DNAJB6: variants seen among roughly 807,000 people sequenced by gnomAD.
DNAJB6 encodes the protein dnaJ homolog subfamily B member 6.
In DNAJB6, 16 loss-of-function variants were observed where a neutral mutation model predicts 42.7. That is an observed-to-expected ratio of 0.37 (90% CI 0.25 to 0.57). The LOEUF is 0.57. Among genes scored for constraint, DNAJB6 ranks in the 20% least tolerant of loss-of-function variants. The pLI, the probability that DNAJB6 is intolerant of heterozygous loss-of-function variation, is 0.74. For missense variants in DNAJB6, 347 were observed against 416.8 expected (o/e 0.83, Z 1.46); for synonymous variants, 170 against 163.5 (o/e 1.04, Z -0.30).
chr7:157,338,121 T>C (rs911953153), intron 1 of DNAJB6, among the ~76,000 whole-genome samples: 11 of 152,202 alleles, frequency 7.2e-5, no homozygotes, highest in African/African-American at 2.2e-4. Context: ...AGCCAAATTA[T>C]TGATTTAGTA....
intron 8 of DNAJB6, among the ~76,000 whole-genome samples, chr7:157,401,719 T>G (rs1795525169): frequency 6.6e-6 from 1 of 152,120 alleles, no homozygotes; most frequent in Non-Finnish European, 1.5e-5. Flanking sequence ...AGCTGTGACG[T>G]GAAGCATTAC....
intron 6 of DNAJB6, among the ~76,000 whole-genome samples, 200 bp from the exon 7 acceptor site, chr7:157,384,667 C>T (rs1800962291): frequency 6.6e-6 from 1 of 152,138 alleles, no homozygotes; most frequent in Non-Finnish European, 1.5e-5. Flanking sequence ...CCCTAGAGTC[C>T]CCACTCAGGG....
rs753180096 is a variant in DNAJB6, at chr7:157,416,256, G to T, written c.*158G>T. 1 of 1,228,562 alleles carries T rather than the reference G, an allele frequency of 8.1e-7. No individual in the cohort carries two copies. The highest frequency in any genetic ancestry group is 1.1e-6 in the Non-Finnish European group (1 of 893,194). The allele number at this position is 1,228,562 out of a possible 1,614,324, so 76.1% of individuals were successfully genotyped here. ...GCGATCACGGATCAGTCAGAGCAGG[G>T]TCAGGAGACGGGGCTGACGGCACGG... is the stretch of plus-strand genomic sequence containing the variant. On this transcript the variant is annotated 3_prime_UTR_variant, in exon 10 of 10. Coordinates refer to ENST00000262177, the MANE Select transcript of DNAJB6 (RefSeq NM_058246.4).
At chr7:157,404,074 C>T (rs1795654115) in intron 8 of DNAJB6, among the ~76,000 whole-genome samples, 1 of 149,834 alleles carries the variant, frequency 6.7e-6, no homozygotes, top group Non-Finnish European at 1.5e-5. Flanking sequence ...TCAAGCCGTC[C>T]TCCCAGCTCA....
chr7:157,352,577 C>T (rs1475767138), intron 1 of DNAJB6, among the ~76,000 whole-genome samples: 2 of 152,056 alleles, frequency 1.3e-5, no homozygotes, highest in African/African-American at 4.8e-5. Flanking sequence ...GATGAGTTCT[C>T]CTGACTGTGC....
chr7:157,400,955 G>A (rs999054280), intron 8 of DNAJB6, among the ~76,000 whole-genome samples: 1 of 152,214 alleles, frequency 6.6e-6, no homozygotes, highest in Non-Finnish European at 1.5e-5. Flanking sequence ...GAAAAGGTTT[G>A]ATGACCTCTT....
At chr7:157,356,974 T>A (rs943517653) in intron 1 of DNAJB6, among the ~76,000 whole-genome samples, 1 of 151,810 alleles carries the variant, frequency 6.6e-6, no homozygotes, top group Non-Finnish European at 1.5e-5. Context: ...TATAGTTTTT[T>A]GTTTTTTTGA....
intron 8 of DNAJB6, among the ~76,000 whole-genome samples, chr7:157,404,539 C>G (rs1310647541): frequency 4.0e-5 from 5 of 124,898 alleles, no homozygotes; most frequent in African/African-American, 1.6e-4. Flanking sequence ...GGTAAGGAGT[C>G]TCGCTCTGTT....
chr7:157,370,366 T>C (rs546231472), intron 5 of DNAJB6, among the ~76,000 whole-genome samples: 2 of 152,228 alleles, frequency 1.3e-5, no homozygotes, highest in East Asian at 3.9e-4. Context: ...TTTCTCAACA[T>C]GATTATTAAA....
intron 1 of DNAJB6, among the ~76,000 whole-genome samples, chr7:157,352,562 C>G (rs1186020672): frequency 6.6e-6 from 1 of 152,162 alleles, no homozygotes; most frequent in East Asian, 1.9e-4. Flanking sequence ...TGTGGCATCT[C>G]TGCAGATGAG....
chr7:157,410,191 G>T (rs879571227), intron 9 of DNAJB6, 190 bp downstream of exon 9: 17 of 1,355,290 alleles, frequency 1.3e-5, no homozygotes, highest in Non-Finnish European at 1.2e-5. Context: ...CGCCACGGTG[G>T]CTCCGGGCCC....
intron 8 of DNAJB6, among the ~76,000 whole-genome samples, chr7:157,387,674 T>G (rs1801138912): frequency 6.6e-6 from 1 of 152,220 alleles, no homozygotes; most frequent in Non-Finnish European, 1.5e-5. Context: ...CATTTGGTTG[T>G]TCTAGACTTT....
intron 1 of DNAJB6, among the ~76,000 whole-genome samples, chr7:157,355,345 A>G (rs1799217475): frequency 6.6e-6 from 1 of 152,164 alleles, no homozygotes; most frequent in East Asian, 1.9e-4. Context: ...TATTTTTAGT[A>G]GAGATGGAGT....
intron 5 of DNAJB6, among the ~76,000 whole-genome samples, chr7:157,377,710 T>A (rs556664362): frequency 4.6e-5 from 7 of 152,250 alleles, no homozygotes; most frequent in African/African-American, 1.2e-4. Context: ...CAAATGCTAA[T>A]CTCATCCAGA....
intron 1 of DNAJB6, among the ~76,000 whole-genome samples, chr7:157,343,589 A>T (rs920230957): frequency 2.0e-5 from 3 of 152,008 alleles, no homozygotes; most frequent in Admixed American, 6.6e-5. Context: ...CTCACCTGGA[A>T]CTACAGGCGC....
At chr7:157,367,248 T>C in intron 4 of DNAJB6, 125 bp from the exon 5 acceptor site, 1 of 665,956 alleles carries the variant, frequency 1.5e-6, no homozygotes, top group South Asian at 1.8e-5. Context: ...TATAGAGAAC[T>C]TCAGGTTTAT....
chr7:157,369,602 A>ACAGGCCG (rs1800017814), intron 5 of DNAJB6: 2 of 317,206 alleles, frequency 6.3e-6, no homozygotes, highest in African/African-American at 4.5e-5. Flanking sequence ...TTATTATTAA[A>ACAGGCCG]TAGGCCCCTT....
chr7:157,359,040 C>G (rs1229600630), intron 2 of DNAJB6, among the ~76,000 whole-genome samples: 2 of 152,174 alleles, frequency 1.3e-5, no homozygotes, highest in African/African-American at 2.4e-5. Flanking sequence ...CCTTCTGATT[C>G]ATATGAAAGT....
In DNAJB6 at chr7:157,348,575, C is replaced by A. The variant is rs115341030; in HGVS notation, c.-26-9972C>A. ...TTGCATTCCTGTCGTTTTTGATTCC[C>A]GCACATATCGTTTGGAGCATCTTCG... On this transcript the variant is annotated intron_variant, in intron 1 of 9. Coordinates refer to ENST00000262177, the MANE Select transcript of DNAJB6 (RefSeq NM_058246.4). 4.3e-3 allele frequency among the ~76,000 whole-genome samples: 662 copies of A among 152,198 alleles called. 5 individuals carry two copies. The highest frequency in any genetic ancestry group is 0.015 in the African/African-American group (632 of 41,536).
Sources: allele counts gnomAD v4.1 joint callset (sites outside exome capture counted in the v4.1 genomes callset), GRCh38; gene constraint gnomAD v4.1.1; transcripts MANE v1.5; gene names NCBI Gene and HGNC (gene_info 2026-07-23, HGNC 2026-07-21).